Variants in TTC6 observed in about 807,000 individuals in gnomAD.
The protein encoded by TTC6 is tetratricopeptide repeat protein 6.
TTC6 carries 172 observed loss-of-function variants against 210.4 expected under a neutral mutation model. That is an observed-to-expected ratio of 0.82 (90% CI 0.72 to 0.93). TTC6 has a LOEUF of 0.93. Among genes scored for constraint, TTC6 ranks in the 40% least tolerant of loss-of-function variants. The pLI is 0.00. For synonymous variants in TTC6, 804 were observed against 819.6 expected (o/e 0.98, Z 0.32); for missense variants, 2,414 against 2,318.1 (o/e 1.04, Z -0.85).
chr14:37,682,946 C>T, exon 3 of TTC6: 3 of 1,535,332 alleles, frequency 2.0e-6, no homozygotes, highest in South Asian at 2.4e-5. Context: ...CAAAAGAAGC[C>T]AAGTGGGTGT....
In TTC6 at chr14:37,769,649, T is replaced by C. The variant is rs2096011353; in HGVS notation, c.3266+16414T>C. Among the ~76,000 whole-genome samples, 7 of 152,144 alleles carry C rather than the reference T, an allele frequency of 4.6e-5. 1 individual carries two copies. In the South Asian group the frequency reaches 1.5e-3, roughly 32 times the overall value. On this transcript the variant is annotated intron_variant, in intron 14 of 30. Coordinates refer to ENST00000553443, the Ensembl canonical transcript of TTC6. ...TATTTCTGTGGGATCAGTGGTGATA[T>C]CCCCTTTATCATTTTTTATTGCATC... is the stretch of plus-strand genomic sequence containing the variant.
At chr14:37,767,582 G>A (rs1298066223) in intron 14 of TTC6, among the ~76,000 whole-genome samples, 2 of 152,118 alleles carry the variant, frequency 1.3e-5, no homozygotes, top group East Asian at 3.8e-4. Flanking sequence ...GTGTTTTTTG[G>A]CTACATAAAT....
At chr14:37,759,113 A>G (rs969484558) in intron 14 of TTC6, among the ~76,000 whole-genome samples, 1 of 151,980 alleles carries the variant, frequency 6.6e-6, no homozygotes, top group Non-Finnish European at 1.5e-5. Flanking sequence ...TCTACTAAAA[A>G]TTAGCCAGGC....
chr14:37,637,263 C>T (rs2095682736), intron 1 of TTC6, among the ~76,000 whole-genome samples: 1 of 152,116 alleles, frequency 6.6e-6, no homozygotes, highest in African/African-American at 2.4e-5. Flanking sequence ...GCTAAGAGTC[C>T]TTAGACTTGA....
rs139261333 is a variant in TTC6 at position 37,793,352 on chromosome 14, A to G, written c.3708+938A>G. On this transcript the variant is annotated intron_variant, in intron 17 of 30. Coordinates refer to ENST00000553443, the Ensembl canonical transcript of TTC6. ...AGCTAGGCTATACTGAGGTAAAAAA[A>G]CAAAAAAACAAAAAACCCAAAAACC... is the stretch of plus-strand genomic sequence containing the variant. Among the ~76,000 whole-genome samples, 448 of 152,310 alleles carry G rather than the reference A, an allele frequency of 2.9e-3. 2 individuals carry two copies. The highest frequency in any genetic ancestry group is 5.1e-3 in the Non-Finnish European group (348 of 68,020).
intron 14 of TTC6, among the ~76,000 whole-genome samples, chr14:37,786,766 A>C (rs2139302645): frequency 6.6e-6 from 1 of 152,140 alleles, no homozygotes; most frequent in South Asian, 2.1e-4. Flanking sequence ...CCATCTTGGA[A>C]CCTCCCACTA....
chr14:37,658,239 C>T (rs2095729056), intron 1 of TTC6, among the ~76,000 whole-genome samples: 1 of 152,098 alleles, frequency 6.6e-6, no homozygotes, highest in South Asian at 2.1e-4. Context: ...AAGAACTGTT[C>T]TTAGCTTATA....
chr14:37,752,068 G>A (rs1461468371), intron 13 of TTC6, among the ~76,000 whole-genome samples: 1 of 151,792 alleles, frequency 6.6e-6, no homozygotes, highest in African/African-American at 2.4e-5. Context: ...CTCGTGATCC[G>A]CCCACCTTGG....
chr14:37,799,366 G>A (rs907885052), intron 20 of TTC6, among the ~76,000 whole-genome samples: 2 of 152,040 alleles, frequency 1.3e-5, no homozygotes, highest in African/African-American at 4.8e-5. Flanking sequence ...ACCAAATCTT[G>A]GAAAATTGTT....
At chr14:37,701,509 T>A in exon 5 of TTC6, 2 of 1,492,708 alleles carry the variant, frequency 1.3e-6, no homozygotes, top group South Asian at 2.6e-5. Flanking sequence ...GCTTTACAGA[T>A]GAAGAACAAA....
intron 29 of TTC6, among the ~76,000 whole-genome samples, chr14:37,839,840 G>A (rs2096206063): frequency 6.6e-6 from 1 of 152,102 alleles, no homozygotes; most frequent in African/African-American, 2.4e-5. Flanking sequence ...TGGAAGGAAG[G>A]GATCTAGTCT....
chr14:37,738,689 A>G, intron 9 of TTC6, 87 bp from the exon 12 acceptor site: 3 of 1,095,934 alleles, frequency 2.7e-6, no homozygotes, highest in Non-Finnish European at 3.7e-6. Context: ...CCACATTAAT[A>G]GTAATTGTAA....
exon 19 of TTC6, chr14:37,796,311 T>C: frequency 7.7e-7 from 1 of 1,294,424 alleles, no homozygotes; most frequent in Non-Finnish European, 1.1e-6. Context: ...TATCTTCTTA[T>C]GATGAAATAT....
At position 37,766,171 on chromosome 14, in the gene TTC6, C is replaced by T. The variant is rs552754477; in HGVS notation, c.3266+12936C>T. On this transcript the variant is annotated intron_variant, in intron 14 of 30. Coordinates refer to ENST00000553443, the Ensembl canonical transcript of TTC6. ...ATTTCTGCTCCTTTCTTTTTCTCTT[C>T]CTTCTGGAACTCACAACATATGCAT... Among the ~76,000 whole-genome samples, 52 of 152,188 alleles carry T rather than the reference C, an allele frequency of 3.4e-4. 1 individual carries two copies. Among genetic ancestry groups the T allele is most frequent in the Non-Finnish European group, 6.6e-4 (45 of 67,978 alleles).
chr14:37,725,885 T>C (rs927661959), intron 7 of TTC6, among the ~76,000 whole-genome samples: 1 of 152,186 alleles, frequency 6.6e-6, no homozygotes, highest in Admixed American at 6.5e-5. Context: ...CCAAATGTGG[T>C]AATCTTTTTC....
At chr14:37,720,720 A>T (rs1201880596) in intron 6 of TTC6, among the ~76,000 whole-genome samples, 1 of 152,206 alleles carries the variant, frequency 6.6e-6, no homozygotes, top group Non-Finnish European at 1.5e-5. Flanking sequence ...AATTGGGCTG[A>T]AAAATCCAAT....
At chr14:37,727,444 C>T (rs1265308148) in intron 7 of TTC6, among the ~76,000 whole-genome samples, 1 of 151,758 alleles carries the variant, frequency 6.6e-6, no homozygotes, top group Non-Finnish European at 1.5e-5. Flanking sequence ...CAGGCGCACA[C>T]CACCATGCCT....
At chr14:37,714,170 T>C (rs2095848833) in intron 5 of TTC6, among the ~76,000 whole-genome samples, 1 of 152,186 alleles carries the variant, frequency 6.6e-6, no homozygotes, top group Admixed American at 6.5e-5. Context: ...TTCTCATGTA[T>C]ATGTAGCTTG....
intron 9 of TTC6, among the ~76,000 whole-genome samples, chr14:37,737,949 A>G (rs1353327248): frequency 1.3e-5 from 2 of 151,988 alleles, no homozygotes; most frequent in Non-Finnish European, 2.9e-5. Context: ...CTTAAAGTAC[A>G]TAACTGGCTT....
Sources: allele counts gnomAD v4.1 joint callset (sites outside exome capture counted in the v4.1 genomes callset), GRCh38; gene constraint gnomAD v4.1.1; transcripts MANE v1.5; gene names NCBI Gene and HGNC (gene_info 2026-07-23, HGNC 2026-07-21).